The following PAQR5 variants were observed in gnomAD, a reference collection of about 807,000 sequenced individuals.
PAQR5 encodes the protein membrane progestin receptor gamma.
Under a neutral mutation model 34.5 loss-of-function variants are expected in PAQR5, and 20 were observed. That is an observed-to-expected ratio of 0.58 (90% CI 0.41 to 0.84). The LOEUF (loss-of-function observed/expected upper bound fraction) is 0.84, where lower values mean the gene tolerates loss of function less well. Among genes scored for constraint, PAQR5 ranks in the 40% least tolerant of loss-of-function variants. The pLI is 0.00. For synonymous variants in PAQR5, 131 were observed against 155.6 expected, an observed-to-expected ratio of 0.84 and a Z score of 1.18; for missense variants, 378 against 412.7, an observed-to-expected ratio of 0.92 and a Z score of 0.73.
intron 5 of PAQR5, among the ~76,000 whole-genome samples, chr15:69,386,760 C>T (rs1330591787): frequency 7.4e-6 from 1 of 135,466 alleles, no homozygotes; most frequent in Non-Finnish European, 1.5e-5. Context: ...TGCATCTCTT[C>T]CACCTCCGGA....
At chr15:69,314,547 C>G (rs2053901285) in intron 1 of PAQR5, 1 of 152,290 alleles carries the variant, frequency 6.6e-6, no homozygotes, top group South Asian at 2.1e-4. Flanking sequence ...GGACCATTCC[C>G]CCCCATGGAT....
intron 3 of PAQR5, among the ~76,000 whole-genome samples, chr15:69,370,839 A>G (rs2055541281): frequency 6.6e-6 from 1 of 152,176 alleles, no homozygotes; most frequent in Admixed American, 6.5e-5. Context: ...GCCCCTTTAT[A>G]AGGACAGAAA....
chr15:69,351,032 GT>G (rs1358871361), intron 2 of PAQR5, among the ~76,000 whole-genome samples: 3 of 152,232 alleles, frequency 2.0e-5, no homozygotes, highest in Non-Finnish European at 4.4e-5. Context: ...GATCAGTGGA[GT>G]TTTAGCTCGG....
In PAQR5 at chr15:69,322,811, GGAA is replaced by G. The variant is rs1360531654; in HGVS notation, c.-276-14506_-276-14504del. Among the ~76,000 whole-genome samples, 21 of 25,366 alleles carry G rather than the reference GGAA, an allele frequency of 8.3e-4. 8 individuals carry two copies. Among genetic ancestry groups the G allele is most frequent in the African/African-American group, 1.9e-3 (21 of 10,836 alleles). The allele number at this position is 25,366 out of a possible 152,430, so 16.6% of individuals were successfully genotyped here. On this transcript the variant is annotated intron_variant, in intron 1 of 8. Transcript: ENST00000395407. Reference sequence around the variant, plus strand: ...ACGAGGAAGAAGAAGAAGAGGAAGAGGAAGAAGAAGAAGAAGAAGAAGAAGAGG... The same window carrying G: ...ACGAGGAAGAAGAAGAAGAGGAAGAGGAAGAAGAAGAAGAAGAAGAAGAGG...
At chr15:69,327,006 A>G (rs952217357) in intron 1 of PAQR5, among the ~76,000 whole-genome samples, 4 of 150,970 alleles carry the variant, frequency 2.6e-5, no homozygotes, top group African/African-American at 9.8e-5. Context: ...TTTTTTTTTT[A>G]GATGAGGTTT....
At chr15:69,380,678 C>A (rs2055859518) in intron 4 of PAQR5, among the ~76,000 whole-genome samples, 1 of 152,146 alleles carries the variant, frequency 6.6e-6, no homozygotes, top group Non-Finnish European at 1.5e-5. Context: ...CACTGCACAC[C>A]TTTGCTTAAG....
intron 6 of PAQR5, among the ~76,000 whole-genome samples, chr15:69,396,706 C>T (rs1473960610): frequency 1.3e-5 from 2 of 152,132 alleles, no homozygotes. Context: ...TCCCAGTGTG[C>T]AGCCTGCTGT....
At chr15:69,374,023 G>A (rs77712881) in intron 3 of PAQR5, among the ~76,000 whole-genome samples, 2,773 of 151,498 alleles carry the variant, frequency 0.018, 71 homozygotes, top group East Asian at 0.11. Context: ...ATTTTTATCC[G>A]TCTTACATGT....
chr15:69,350,686 C>CA (rs949784766), intron 2 of PAQR5, among the ~76,000 whole-genome samples: 1 of 150,762 alleles, frequency 6.6e-6, no homozygotes, highest in African/African-American at 2.5e-5. Flanking sequence ...CACACACACA[C>CA]AAAACAAACA....
chr15:69,397,652 C>T, intron 7 of PAQR5, 88 bp downstream of exon 7: 2 of 878,688 alleles, frequency 2.3e-6, no homozygotes, highest in East Asian at 2.4e-5. Flanking sequence ...CACAGCACTG[C>T]AATGGGAACC....
At chr15:69,382,249 TG>T (rs1450542372) in intron 4 of PAQR5, among the ~76,000 whole-genome samples, 1 of 152,070 alleles carries the variant, frequency 6.6e-6, no homozygotes, top group East Asian at 1.9e-4. Context: ...ACGGGGATGG[TG>T]GTAACGCCAC....
chr15:69,394,098 ATTGTTTTTTTTTTGTTTT>A (rs1426791857), intron 6 of PAQR5, among the ~76,000 whole-genome samples: 3 of 148,680 alleles, frequency 2.0e-5, no homozygotes, highest in East Asian at 2.0e-4. Context: ...CCAACCATTG[ATTGTTTTTTTTTTGTTTT>A]TTGTTTTTTT....
chr15:69,380,134 G>A, intron 4 of PAQR5, 124 bp downstream of exon 4: 4 of 1,008,030 alleles, frequency 4.0e-6, no homozygotes, highest in Non-Finnish European at 6.0e-6. Context: ...TCCCCCGTGG[G>A]TACACGCGGG....
At chr15:69,309,363 A>C (rs1326819320) in intron 1 of PAQR5, among the ~76,000 whole-genome samples, 1 of 152,210 alleles carries the variant, frequency 6.6e-6, no homozygotes, top group Non-Finnish European at 1.5e-5. Flanking sequence ...AGCACGAGTA[A>C]GTGCATGAGG....
chr15:69,341,549 A>T (rs2140734004), intron 2 of PAQR5, among the ~76,000 whole-genome samples: 1 of 152,004 alleles, frequency 6.6e-6, no homozygotes, highest in Admixed American at 6.6e-5. Flanking sequence ...GCTGAGTAAT[A>T]TCCTGTAGTA....
rs1243950596 is a variant in PAQR5, at chr15:69,402,785, CAT to C, written c.752-795_752-794del. On this transcript the variant is annotated intron_variant, in intron 8 of 8. Transcript: ENST00000395407. ...CAGGGACATCATTCAGCCCATAACA[CAT>C]GTGGTCGCCTCCTTACTCCTGGGGT... Among the ~76,000 whole-genome samples, 3 of 152,230 alleles carry C rather than the reference CAT, an allele frequency of 2.0e-5. No homozygotes were observed. The East Asian group carries it at 5.8e-4, about 29-fold the overall frequency.
intron 6 of PAQR5, chr15:69,391,520 G>A (rs747413146): frequency 1.3e-4 from 47 of 372,226 alleles, no homozygotes; most frequent in Non-Finnish European, 2.1e-4. Context: ...ATAACCCTGC[G>A]GAAACAAGTC....
In PAQR5 at chr15:69,404,248, C is replaced by G. The variant is rs1001815898; in HGVS notation, c.*426C>G. ...CTCGTAGTGGCCTGTCAACCACTTTCGGAGAATGAGCCAGGTCAGTCACTG... is the reference window on the plus strand; with the variant it reads ...CTCGTAGTGGCCTGTCAACCACTTTGGGAGAATGAGCCAGGTCAGTCACTG... On this transcript the variant is annotated 3_prime_UTR_variant, in exon 9 of 9. Transcript: ENST00000395407. 5.9e-6 allele frequency: 1 copy of G among 170,852 alleles called. No individual in the cohort carries two copies. The highest frequency in any genetic ancestry group is 1.2e-5 in the Non-Finnish European group (1 of 80,364). The allele number at this position is 170,852 out of a possible 1,614,324, so 10.6% of individuals were successfully genotyped here. A position where few individuals can be genotyped will look rare whatever the true frequency, so the allele number is the denominator to read the frequency against.
rs1566997979 is a variant in PAQR5, at chr15:69,322,769, A to AGAAGAC, written c.-276-14570_-276-14569insAGACGA. The stretch of plus-strand genomic sequence containing the variant: ...AAGAAGAAGAAGAAGAAGAAGAAGA[A>AGAAGAC]GAGGGAGAAGAAGAAGACGAGGAAG... On this transcript the variant is annotated intron_variant, in intron 1 of 8. Coordinates refer to ENST00000395407, the MANE Select transcript of PAQR5 (RefSeq NM_017705.4). Among the ~76,000 whole-genome samples, 7 of 29,612 alleles carry AGAAGAC rather than the reference A, an allele frequency of 2.4e-4. 1 individual carries two copies. Among genetic ancestry groups the AGAAGAC allele is most frequent in the East Asian group, 1.4e-3 (1 of 720 alleles). 19.4% of individuals were successfully genotyped at this position (29,612 alleles called of 152,430 possible).
Sources: gnomAD v4.1 joint callset for allele counts (sites outside exome capture counted in the v4.1 genomes callset) on GRCh38, gnomAD v4.1.1 for gene constraint, MANE v1.5 for transcripts, NCBI Gene and HGNC (gene_info 2026-07-23, HGNC 2026-07-21) for gene names.